SRGAP3: variants seen among roughly 807,000 people sequenced by gnomAD.
The protein encoded by SRGAP3 is SLIT-ROBO Rho GTPase-activating protein 3.
In SRGAP3, 39 loss-of-function variants were observed where a neutral mutation model predicts 121.1. The observed-to-expected ratio is 0.32, with a 90% CI of 0.25 to 0.42. The LOEUF is 0.42. Among genes scored for constraint, SRGAP3 ranks in the 10% least tolerant of loss-of-function variants. The probability of loss-of-function intolerance (pLI) is 1.00; values close to 1 mark genes in which losing one functional copy is unlikely to be tolerated. For synonymous variants in SRGAP3, 601 were observed against 570.0 expected (o/e 1.05, Z -0.77); for missense variants, 1,213 against 1,470.6 (o/e 0.82, Z 2.86).
At chr3:9,198,184 T>C (rs996281582) in intron 1 of SRGAP3, among the ~76,000 whole-genome samples, 1 of 152,262 alleles carries the variant, frequency 6.6e-6, no homozygotes, top group East Asian at 1.9e-4. Context: ...TTTCTGTCAT[T>C]ACATCTGATT....
intron 1 of SRGAP3, among the ~76,000 whole-genome samples, chr3:9,129,057 C>T (rs945644151): frequency 6.6e-6 from 1 of 152,158 alleles, no homozygotes; most frequent in Admixed American, 6.5e-5. Flanking sequence ...AATAAAAAGA[C>T]AAAATTTAAA....
chr3:9,286,986 C>CTTTTTTTTTT (rs36096507), intron 3 of SRGAP3, among the ~76,000 whole-genome samples: 10 of 79,122 alleles, frequency 1.3e-4, no homozygotes, highest in Admixed American at 2.0e-4. Context: ...CACTGACACT[C>CTTTTTTTTTT]TTTTTTTTTT....
At chr3:9,253,324 T>C (rs931649007), upstream of SRGAP3, among the ~76,000 whole-genome samples, 1 of 152,170 alleles carries the variant, frequency 6.6e-6, no homozygotes, top group Non-Finnish European at 1.5e-5. Flanking sequence ...TATAATTACA[T>C]TGTTTCAATA....
chr3:9,067,657 G>C (rs894653195), intron 4 of SRGAP3, among the ~76,000 whole-genome samples: 1 of 152,154 alleles, frequency 6.6e-6, no homozygotes, highest in Admixed American at 6.5e-5. Context: ...GGGAGGCGGC[G>C]GGAGGGAGAG....
At chr3:9,090,551 GATC>G (rs1947710641) in intron 3 of SRGAP3, among the ~76,000 whole-genome samples, 1 of 152,248 alleles carries the variant, frequency 6.6e-6, no homozygotes, top group South Asian at 2.1e-4. Flanking sequence ...TCAATGCAGG[GATC>G]ATCATGCTTT....
chr3:9,010,842 GCTGCCCTGTCTTT>G (rs755680627), intron 17 of SRGAP3, among the ~76,000 whole-genome samples: 55 of 152,190 alleles, frequency 3.6e-4, no homozygotes, highest in Non-Finnish European at 6.3e-4. Flanking sequence ...GCTAACAAGG[GCTGCCCTGTCTTT>G]CTGCATGCAA....
chr3:9,215,807 TCA>T (rs2125188014), intron 1 of SRGAP3, among the ~76,000 whole-genome samples: 1 of 152,348 alleles, frequency 6.6e-6, no homozygotes, highest in East Asian at 1.9e-4. Context: ...CGGCCTCCCC[TCA>T]GTTTTCAGGC....
At chr3:9,252,350 A>C (rs2125251615), upstream of SRGAP3, among the ~76,000 whole-genome samples, 1 of 152,144 alleles carries the variant, frequency 6.6e-6, no homozygotes, top group South Asian at 2.1e-4. Flanking sequence ...GGCTGGTCTC[A>C]AGCAATTCTC....
chr3:9,242,803 A>C (rs967978323), intron 1 of SRGAP3, among the ~76,000 whole-genome samples: 72 of 152,046 alleles, frequency 4.7e-4, no homozygotes, highest in African/African-American at 1.6e-3. Flanking sequence ...TCCCACCTCA[A>C]CTTCCTGAGT....
At chr3:9,343,608 T>C (rs1036691773) in intron 1 of SRGAP3, among the ~76,000 whole-genome samples, 5 of 152,222 alleles carry the variant, frequency 3.3e-5, no homozygotes, top group African/African-American at 1.2e-4. Flanking sequence ...CTTCTAGCCA[T>C]TTTCTATGAA....
chr3:9,182,614 C>T (rs1400405242), intron 1 of SRGAP3, among the ~76,000 whole-genome samples: 1 of 152,074 alleles, frequency 6.6e-6, no homozygotes, highest in Non-Finnish European at 1.5e-5. Context: ...TCCTGGGACA[C>T]TAATACAAAT....
chr3:9,155,259 T>C (rs1028849414), intron 1 of SRGAP3, among the ~76,000 whole-genome samples: 3 of 152,218 alleles, frequency 2.0e-5, no homozygotes, highest in East Asian at 1.9e-4. Context: ...CTGTTGCTGA[T>C]GGGAATGTCA....
intron 5 of SRGAP3, among the ~76,000 whole-genome samples, chr3:9,063,433 C>A (rs1299779304): frequency 6.6e-6 from 1 of 151,694 alleles, no homozygotes; most frequent in East Asian, 1.9e-4. Context: ...CTGGCCCAGA[C>A]AATCTTTTCA....
At chr3:9,335,043 T>A (rs1001405846) in intron 1 of SRGAP3, among the ~76,000 whole-genome samples, 1 of 152,192 alleles carries the variant, frequency 6.6e-6, no homozygotes, top group Non-Finnish European at 1.5e-5. Flanking sequence ...ATTGTATCAG[T>A]TAGCTATTCT....
intron 1 of SRGAP3, among the ~76,000 whole-genome samples, chr3:9,343,901 T>C (rs181896865): frequency 2.7e-4 from 41 of 152,326 alleles, no homozygotes; most frequent in African/African-American, 9.6e-4. Context: ...ACTTCTAATC[T>C]GCCTAAAGTT....
chr3:9,265,529 A>G (rs1954341559), intron 3 of SRGAP3, among the ~76,000 whole-genome samples: 2 of 151,690 alleles, frequency 1.3e-5, no homozygotes, highest in Non-Finnish European at 2.9e-5. Context: ...AATTTACAAG[A>G]AAAAAAAACC....
intron 14 of SRGAP3, among the ~76,000 whole-genome samples, chr3:9,020,602 G>A (rs901345605): frequency 2.0e-5 from 3 of 152,100 alleles, no homozygotes; most frequent in African/African-American, 7.2e-5. Flanking sequence ...CTTTACATAC[G>A]CACACATACA....
chr3:9,329,998 G>C (rs1575009705), intron 2 of SRGAP3, among the ~76,000 whole-genome samples: 1 of 152,274 alleles, frequency 6.6e-6, no homozygotes, highest in Middle Eastern at 3.4e-3. Context: ...ATGTTCCACT[G>C]CAAGTTATCT....
chr3:9,221,505 C>T (rs1952812592), intron 1 of SRGAP3, among the ~76,000 whole-genome samples: 1 of 152,176 alleles, frequency 6.6e-6, no homozygotes, highest in South Asian at 2.1e-4. Context: ...CCACCATACT[C>T]CAGCCTGGGC....
Sources: allele counts gnomAD v4.1 joint callset (sites outside exome capture counted in the v4.1 genomes callset), GRCh38; gene constraint gnomAD v4.1.1; transcripts MANE v1.5; gene names NCBI Gene and HGNC (gene_info 2026-07-23, HGNC 2026-07-21).